Variants in DYM observed in about 807,000 individuals in gnomAD.
The protein encoded by DYM is dyggve-Melchior-Clausen syndrome protein.
Under a neutral mutation model 93.1 loss-of-function variants are expected in DYM, and 78 were observed. The observed-to-expected ratio is 0.84, with a 90% CI of 0.70 to 1.01. DYM has a LOEUF of 1.01. Ranked by LOEUF, DYM falls within the 50% of genes least tolerant of loss-of-function variation. The pLI is 0.00. For synonymous variants in DYM, 321 were observed against 319.7 expected, an observed-to-expected ratio of 1.00 and a Z score of -0.04; for missense variants, 789 against 845.0, an observed-to-expected ratio of 0.93 and a Z score of 0.82.
chr18:49,267,203 A>ATT lies in DYM; in HGVS notation c.1251+4974_1251+4975insAA, dbSNP rs749606525. On this transcript the variant is annotated intron_variant, in intron 11 of 17. Coordinates refer to ENST00000675505, the MANE Select transcript of DYM (RefSeq NM_001353214.3). ...CAGACATTAAAAGGTAACTTTTTAAAAAAAAAAAAGAAGAGGTAATAAGAG... is the reference window on the plus strand; with the variant it reads ...CAGACATTAAAAGGTAACTTTTTAAATTAAAAAAAAAGAAGAGGTAATAAGAG... 3.7e-3 allele frequency among the ~76,000 whole-genome samples: 552 copies of ATT among 148,216 alleles called. 1 individual carries two copies. The highest frequency in any genetic ancestry group is 5.7e-3 in the Non-Finnish European group (374 of 65,872).
intron 6 of DYM, among the ~76,000 whole-genome samples, chr18:49,358,869 G>GA (rs2065787887): frequency 6.6e-6 from 1 of 151,726 alleles, no homozygotes; most frequent in African/African-American, 2.4e-5. Flanking sequence ...AAAGACAAGG[G>GA]AAAAAAATCT....
chr18:49,138,791 G>C (rs1568480468), intron 15 of DYM, among the ~76,000 whole-genome samples: 1 of 152,162 alleles, frequency 6.6e-6, no homozygotes. Context: ...GGATAGGTAA[G>C]TATTAATACG....
At chr18:49,432,257 G>A (rs1023150889) in intron 1 of DYM, among the ~76,000 whole-genome samples, 3 of 150,412 alleles carry the variant, frequency 2.0e-5, no homozygotes, top group Non-Finnish European at 4.4e-5. Flanking sequence ...CTTGAACCCA[G>A]GAGGCAGAGG....
chr18:49,265,363 T>A (rs1598991477), intron 11 of DYM, among the ~76,000 whole-genome samples: 2 of 152,224 alleles, frequency 1.3e-5, no homozygotes, highest in African/African-American at 2.4e-5. Context: ...GAAACAAGTT[T>A]GGTAGGTTTA....
In DYM at chr18:49,038,542, A is replaced by G. The variant is rs2070787263; in HGVS notation, c.*5513T>C. Among the ~76,000 whole-genome samples, 1 of 152,182 alleles carries G rather than the reference A, an allele frequency of 6.6e-6. No individual in the cohort carries two copies. Among genetic ancestry groups the G allele is most frequent in the Non-Finnish European group, 1.5e-5 (1 of 68,036 alleles). On this transcript the variant is annotated 3_prime_UTR_variant, in exon 18 of 18. Transcript: ENST00000675505. ...CATCTTTTTCTTCCAAAATTTCTAA[A>G]TTCATGTTCTAAAAATGTCTCTTGT... is the stretch of plus-strand genomic sequence containing the variant.
chr18:49,089,791 T>C (rs2078876366), intron 17 of DYM, among the ~76,000 whole-genome samples: 1 of 152,206 alleles, frequency 6.6e-6, no homozygotes, highest in Admixed American at 6.5e-5. Flanking sequence ...GGAGAATCAA[T>C]GTGACCAGAT....
rs2070819583 is a variant in DYM at position 49,039,380 on chromosome 18, G to A, written c.*4675C>T. ...CAGTTTTACTATGATGTTTCTAGGT[G>A]TGGGTTGTTTTTATTTATCCCACTT... On this transcript the variant is annotated 3_prime_UTR_variant, in exon 18 of 18. Coordinates refer to ENST00000675505, the MANE Select transcript of DYM (RefSeq NM_001353214.3). Among the ~76,000 whole-genome samples, 1 of 152,098 alleles carries A rather than the reference G, an allele frequency of 6.6e-6. No individual in the cohort carries two copies. Among genetic ancestry groups the A allele is most frequent in the Non-Finnish European group, 1.5e-5 (1 of 68,002 alleles).
chr18:49,158,565 C>A (rs543573742), intron 15 of DYM, among the ~76,000 whole-genome samples: 1 of 152,290 alleles, frequency 6.6e-6, no homozygotes, highest in South Asian at 2.1e-4. Context: ...CCTACCCCAG[C>A]CTTTAAATCT....
chr18:49,166,916 A>C (rs1265785628), intron 14 of DYM, among the ~76,000 whole-genome samples: 3 of 151,926 alleles, frequency 2.0e-5, no homozygotes, highest in African/African-American at 7.3e-5. Flanking sequence ...TACTTTGCTT[A>C]GTTGAAGAAA....
chr18:49,263,483 C>A (rs1007193606), intron 11 of DYM, among the ~76,000 whole-genome samples: 5 of 151,312 alleles, frequency 3.3e-5, no homozygotes, highest in Non-Finnish European at 7.4e-5. Flanking sequence ...GTAATCCCAG[C>A]ACTTTGGGAG....
chr18:49,317,646 C>CCTTCCTTCCT (rs2062090159), intron 8 of DYM, among the ~76,000 whole-genome samples: 2 of 36,610 alleles, frequency 5.5e-5, no homozygotes, highest in Non-Finnish European at 1.0e-4. Flanking sequence ...ATCCTCTCCT[C>CCTTCCTTCCT]TCCTTCCTTC....
chr18:49,253,335 T>C (rs1381681969), intron 13 of DYM, among the ~76,000 whole-genome samples: 1 of 152,194 alleles, frequency 6.6e-6, no homozygotes, highest in East Asian at 1.9e-4. Context: ...ATCTAAACAG[T>C]TTTTGTCATG....
chr18:49,309,469 TATAA>T (rs1036940148), intron 8 of DYM, among the ~76,000 whole-genome samples: 17 of 152,130 alleles, frequency 1.1e-4, no homozygotes, highest in Admixed American at 9.2e-4. Context: ...ATGCAGTCTC[TATAA>T]ATAAATAAAT....
chr18:49,243,161 G>T (rs1412048720), intron 13 of DYM, among the ~76,000 whole-genome samples: 1 of 152,106 alleles, frequency 6.6e-6, no homozygotes, highest in African/African-American at 2.4e-5. Context: ...TGACACTCAG[G>T]TGAGCGGGCT....
chr18:49,368,418 A>G (rs2147467525), intron 5 of DYM, among the ~76,000 whole-genome samples: 1 of 152,314 alleles, frequency 6.6e-6, no homozygotes, highest in East Asian at 1.9e-4. Context: ...AGTCTTATAT[A>G]TTACAAGTCA....
chr18:49,213,834 C>T (rs569699132), intron 13 of DYM, among the ~76,000 whole-genome samples: 15 of 151,872 alleles, frequency 9.9e-5, no homozygotes, highest in African/African-American at 3.6e-4. Context: ...ATGTTTATGG[C>T]CTATATAAAG....
At chr18:49,104,443 T>C (rs1016842252) in intron 16 of DYM, among the ~76,000 whole-genome samples, 13 of 152,150 alleles carry the variant, frequency 8.5e-5, no homozygotes, top group Admixed American at 7.9e-4. Context: ...GAACTTCCAA[T>C]ACTATGTTGA....
At chr18:49,358,533 TTATC>T (rs780537148) in intron 6 of DYM, among the ~76,000 whole-genome samples, 5 of 152,202 alleles carry the variant, frequency 3.3e-5, no homozygotes, top group Non-Finnish European at 5.9e-5. Flanking sequence ...ACTCTCATCT[TTATC>T]AATCTATACC....
chr18:49,237,941 G>A (rs1003016838), intron 13 of DYM, among the ~76,000 whole-genome samples: 1 of 143,896 alleles, frequency 6.9e-6, no homozygotes, highest in Non-Finnish European at 1.5e-5. Flanking sequence ...CTAGATCAAT[G>A]TACCATATTT....
Sources: allele counts gnomAD v4.1 joint callset (sites outside exome capture counted in the v4.1 genomes callset), GRCh38; gene constraint gnomAD v4.1.1; transcripts MANE v1.5; gene names NCBI Gene and HGNC (gene_info 2026-07-23, HGNC 2026-07-21).